The following VPS26A variants were observed in gnomAD, a reference collection of about 807,000 sequenced individuals.
VPS26A encodes the protein vacuolar protein sorting-associated protein 26A.
VPS26A carries 22 observed loss-of-function variants against 42.4 expected under a neutral mutation model. That is an observed-to-expected ratio of 0.52 (90% CI 0.37 to 0.74). VPS26A has a LOEUF of 0.74. VPS26A is among the 30% of genes least tolerant of loss of function. The probability of loss-of-function intolerance (pLI) is 0.00; values close to 1 mark genes in which losing one functional copy is unlikely to be tolerated. For missense variants in VPS26A, 276 were observed against 379.2 expected (o/e 0.73, Z 2.26); for synonymous variants, 110 against 123.5 (o/e 0.89, Z 0.73).
intron 1 of VPS26A, among the ~76,000 whole-genome samples, chr10:69,126,691 C>T (rs1490482373): frequency 2.0e-5 from 3 of 152,042 alleles, no homozygotes; most frequent in Non-Finnish European, 2.9e-5. Flanking sequence ...ATTTTACTTC[C>T]TCTTTAACAT....
chr10:69,127,848 C>T (rs1047250019), intron 1 of VPS26A, among the ~76,000 whole-genome samples: 1 of 150,980 alleles, frequency 6.6e-6, no homozygotes, highest in Non-Finnish European at 1.5e-5. Flanking sequence ...AGGCACACAC[C>T]ACTATGCTGG....
At chr10:69,148,482 C>G (rs12258787) in intron 2 of VPS26A, among the ~76,000 whole-genome samples, 6,339 of 152,206 alleles carry the variant, frequency 0.042, 463 homozygotes, top group African/African-American at 0.14. Context: ...ACAGCAGTTG[C>G]AAACTAATCT....
intron 4 of VPS26A, 125 bp downstream of exon 4, chr10:69,157,288 G>A (rs1033392667): frequency 8.7e-6 from 11 of 1,265,030 alleles, no homozygotes; most frequent in Non-Finnish European, 1.2e-5. Context: ...TAAAAATTCT[G>A]TCACATACTT....
intron 2 of VPS26A, among the ~76,000 whole-genome samples, chr10:69,152,986 A>G (rs1841350450): frequency 6.8e-6 from 1 of 147,018 alleles, no homozygotes; most frequent in African/African-American, 2.5e-5. Flanking sequence ...AAAAAAAGAA[A>G]CCTGGAAGTA....
intron 2 of VPS26A, among the ~76,000 whole-genome samples, chr10:69,142,099 G>T (rs1027736460): frequency 6.6e-6 from 1 of 151,440 alleles, no homozygotes; most frequent in African/African-American, 2.4e-5. Context: ...TGGCCAGGAT[G>T]GTCTCAATCT....
intron 7 of VPS26A, among the ~76,000 whole-genome samples, chr10:69,167,426 AAAAAAG>A (rs71471527): frequency 0.52 from 76,149 of 145,298 alleles, 22,128 homozygotes; most frequent in Middle Eastern, 0.75. Context: ...CCTGCCTCAA[AAAAAAG>A]AAAAAGAAAA....
chr10:69,168,659 GT>G lies in VPS26A; in HGVS notation c.870+30del, dbSNP rs774973878. The G allele has an allele frequency of 1.2e-5, 19 of 1,604,448 alleles. No homozygotes were observed. In the Admixed American group the frequency reaches 2.6e-4, roughly 22 times the overall value. On this transcript the variant is annotated intron_variant, in intron 8 of 8. Transcript: ENST00000263559. ...ATGGTGCCACTTGGGCTGGTATTAT[GT>G]TCTGCGGCAGATCTAAAAATACCTC...
chr10:69,166,189 G>A, intron 7 of VPS26A, 79 bp downstream of exon 7: 1 of 1,322,048 alleles, frequency 7.6e-7, no homozygotes, highest in Non-Finnish European at 1.1e-6. Context: ...TTTATTTAGT[G>A]TGAAAGTATC....
intron 2 of VPS26A, among the ~76,000 whole-genome samples, chr10:69,142,132 C>G (rs900263939): frequency 5.0e-4 from 76 of 151,554 alleles, no homozygotes; most frequent in Non-Finnish European, 3.8e-4. Flanking sequence ...ATCTGCCTGC[C>G]TCAGCCTCCC....
At position 69,162,394 on chromosome 10, in the gene VPS26A, C is replaced by G; in HGVS notation, c.552-12C>G. Reference sequence around the variant, plus strand: ...AAACTGATATTTAGTGAGATATGTTCTTCCCCAATAGGTATCATTTAAAGG... The same window carrying G: ...AAACTGATATTTAGTGAGATATGTTGTTCCCCAATAGGTATCATTTAAAGG... On this transcript the variant is annotated splice_polypyrimidine_tract_variant and intron_variant, in intron 5 of 8. Coordinates refer to ENST00000263559, the MANE Select transcript of VPS26A (RefSeq NM_004896.5). 7.5e-7 allele frequency: 1 copy of G among 1,325,368 alleles called. No homozygotes were observed. Among genetic ancestry groups the G allele is most frequent in the Non-Finnish European group, 1.1e-6 (1 of 939,086 alleles). The allele number at this position is 1,325,368 out of a possible 1,614,324, so 82.1% of individuals were successfully genotyped here. A position where few individuals can be genotyped will look rare whatever the true frequency, so the allele number is the denominator to read the frequency against.
chr10:69,167,659 G>A (rs887904633), intron 7 of VPS26A, among the ~76,000 whole-genome samples: 3 of 148,692 alleles, frequency 2.0e-5, no homozygotes, highest in Non-Finnish European at 4.4e-5. Context: ...AGGAGAATTG[G>A]ATGAACCCAG....
intron 5 of VPS26A, 102 bp from the exon 6 acceptor site, chr10:69,162,300 TTAAG>T: frequency 1.7e-6 from 1 of 576,122 alleles, no homozygotes; most frequent in East Asian, 3.3e-5. Context: ...TCAAAATGGC[TTAAG>T]TAATTATACT....
At chr10:69,151,451 C>CAAA (rs150296063) in intron 2 of VPS26A, among the ~76,000 whole-genome samples, 39 of 105,386 alleles carry the variant, frequency 3.7e-4, no homozygotes, top group African/African-American at 1.4e-3. Flanking sequence ...GACTCCGTCT[C>CAAA]AAAAAAAAAA....
In VPS26A at chr10:69,174,217, G is replaced by T. The variant is rs1025157745; in HGVS notation, c.*2948G>T. Among the ~76,000 whole-genome samples the T allele has an allele frequency of 1.3e-5, 2 of 151,528 alleles. No individual in the cohort carries two copies. Among genetic ancestry groups the T allele is most frequent in the African/African-American group, 2.4e-5 (1 of 41,174 alleles). On this transcript the variant is annotated 3_prime_UTR_variant, in exon 9 of 9. Coordinates refer to ENST00000263559, the MANE Select transcript of VPS26A (RefSeq NM_004896.5). ...ACTCAAGGCGAAGGTCCACGGCTCC[G>T]TTAAGTCAGCGAGACCGCAAACCCA...
rs571859866 is a variant in VPS26A at position 69,162,318 on chromosome 10, G to C, written c.552-88G>C. On this transcript the variant is annotated intron_variant, in intron 5 of 8. Coordinates refer to ENST00000263559, the MANE Select transcript of VPS26A (RefSeq NM_004896.5). ...AAATGGCTTAAGTAATTATACTAAA[G>C]ATGTCTATCAAAGTCTTTTAGGACA... The C allele has an allele frequency of 7.5e-5, 49 of 651,562 alleles. No homozygotes were observed. The South Asian group carries it at 1.1e-3, about 15-fold the overall frequency. 40.4% of individuals were successfully genotyped at this position (651,562 alleles called of 1,614,324 possible).
intron 2 of VPS26A, among the ~76,000 whole-genome samples, chr10:69,144,433 G>A (rs940894264): frequency 2.6e-5 from 4 of 151,860 alleles, no homozygotes; most frequent in African/African-American, 7.3e-5. Context: ...TGGCACCTGC[G>A]CTACCACCAC....
chr10:69,137,859 T>TGA lies in VPS26A; in HGVS notation c.153+4815_153+4816dup, dbSNP rs758371336. The stretch of plus-strand genomic sequence containing the variant: ...GGATTTTTCTTTTTTTAAGCTGTAT[T>TGA]GAGATATATATATATATATATATTC... On this transcript the variant is annotated intron_variant, in intron 2 of 8. Coordinates refer to ENST00000263559, the MANE Select transcript of VPS26A (RefSeq NM_004896.5). Among the ~76,000 whole-genome samples the TGA allele has an allele frequency of 1.7e-3, 238 of 141,582 alleles. 2 individuals carry two copies. The highest frequency in any genetic ancestry group is 3.5e-3 in the Middle Eastern group (1 of 282). 92.9% of individuals were successfully genotyped at this position (141,582 alleles called of 152,430 possible). A position where few individuals can be genotyped will look rare whatever the true frequency, so the allele number is the denominator to read the frequency against.
intron 1 of VPS26A, among the ~76,000 whole-genome samples, chr10:69,131,014 C>G (rs546841095): frequency 6.6e-6 from 1 of 152,036 alleles, no homozygotes; most frequent in African/African-American, 2.4e-5. Context: ...GAGACAAATT[C>G]TTGCTCTGTT....
In VPS26A at chr10:69,127,548, A is replaced by G. The variant is rs1407806194; in HGVS notation, c.3+3268A>G. Among the ~76,000 whole-genome samples the G allele has an allele frequency of 6.0e-5, 9 of 150,222 alleles. No individual in the cohort carries two copies. In the East Asian group the frequency reaches 1.6e-3, roughly 27 times the overall value. On this transcript the variant is annotated intron_variant, in intron 1 of 8. Transcript: ENST00000263559. ...GGCCTGGGCGAAAGAGCGAGACTCC[A>G]TCTCAAAAAAAAAAAAAACCTGAAT...
Sources: gnomAD v4.1 joint callset for allele counts (sites outside exome capture counted in the v4.1 genomes callset) on GRCh38, gnomAD v4.1.1 for gene constraint, MANE v1.5 for transcripts, NCBI Gene and HGNC (gene_info 2026-07-23, HGNC 2026-07-21) for gene names.